Variants in TMEM106B observed in about 807,000 individuals in gnomAD.
TMEM106B encodes the protein transmembrane protein 106B.
A neutral mutation model predicts 31.1 loss-of-function variants in TMEM106B; 15 were observed. That is an observed-to-expected ratio of 0.48 (90% CI 0.32 to 0.74). The LOEUF (loss-of-function observed/expected upper bound fraction) is 0.74. TMEM106B is among the 30% of genes least tolerant of loss of function. The probability of loss-of-function intolerance (pLI) is 0.03; values close to 1 mark genes in which losing one functional copy is unlikely to be tolerated. For missense variants in TMEM106B, 283 were observed against 327.3 expected (o/e 0.86, Z 1.04); for synonymous variants, 126 against 112.5 (o/e 1.12, Z -0.76).
rs1548884 is a variant in TMEM106B, at chr7:12,240,135, A to C, written c.*8160A>C. The C allele has an allele frequency of 0.52, 78,429 of 151,956 alleles. 21,623 individuals are homozygous for C. Among genetic ancestry groups the C allele is most frequent in the African/African-American group, 0.7 (29,106 of 41,462 alleles). The allele number at this position is 151,956 out of a possible 1,614,324, so 9.4% of individuals were successfully genotyped here. Reference sequence around the variant, plus strand: ...CAATCTCAGTTCACAATCATTTCTTATTGCCCTTCAACAATGTCCTGACCA... The same window carrying C: ...CAATCTCAGTTCACAATCATTTCTTCTTGCCCTTCAACAATGTCCTGACCA... On this transcript the variant is annotated 3_prime_UTR_variant, in exon 8 of 8. Transcript: ENST00000396668.
Position 12,214,877 on chromosome 7 carries a change from T to C in TMEM106B, c.67T>C (p.Ser23Pro), listed in dbSNP as rs780222783. Residue 23 changes from serine (S) to proline (P), a missense_variant, in exon 2 of 8, where the codon TCT (serine) becomes CCT (proline). Transcript: ENST00000396668. Reference sequence around the variant, plus strand: ...AGAAGATGCTTATGATGGAGTCACATCTGAAAACATGAGGAATGGACTGGT... The same window carrying C: ...AGAAGATGCTTATGATGGAGTCACACCTGAAAACATGAGGAATGGACTGGT... ...SKEDAYDGVT[S>P]ENMRNGLVNS... 1 of 1,614,052 alleles carries C rather than the reference T, an allele frequency of 6.2e-7. No homozygotes were observed. The highest frequency in any genetic ancestry group is 1.7e-5 in the Admixed American group (1 of 60,024).
intron 2 of TMEM106B, among the ~76,000 whole-genome samples, chr7:12,216,491 G>C (rs528800986): frequency 6.6e-6 from 1 of 152,242 alleles, no homozygotes; most frequent in South Asian, 2.1e-4. Flanking sequence ...ATGTTCATTA[G>C]GCAGTTAGTT....
intron 4 of TMEM106B, among the ~76,000 whole-genome samples, chr7:12,227,922 A>C (rs988134740): frequency 6.6e-6 from 1 of 151,850 alleles, no homozygotes; most frequent in Non-Finnish European, 1.5e-5. Context: ...ATTCTAATGA[A>C]ACTGTGGACA....
At chr7:12,218,007 C>T (rs1000944974) in intron 2 of TMEM106B, among the ~76,000 whole-genome samples, 1 of 151,846 alleles carries the variant, frequency 6.6e-6, no homozygotes, top group Non-Finnish European at 1.5e-5. Flanking sequence ...CTTCAGAGGC[C>T]GGTTTTGGTT....
intron 1 of TMEM106B, 35 bp from the exon 2 acceptor site, chr7:12,214,774 C>T (rs1210510565): frequency 6.6e-7 from 1 of 1,518,194 alleles, no homozygotes; most frequent in South Asian, 1.2e-5. Context: ...ACTTTTTTCC[C>T]TGAAGTTTAC....
At chr7:12,225,792 C>T (rs1340149070) in intron 4 of TMEM106B, among the ~76,000 whole-genome samples, 2 of 152,066 alleles carry the variant, frequency 1.3e-5, no homozygotes, top group Non-Finnish European at 2.9e-5. Context: ...AAAATTTTCT[C>T]CCATTCTTTA....
chr7:12,212,443 C>T (rs1250849439), intron 1 of TMEM106B, among the ~76,000 whole-genome samples: 1 of 150,944 alleles, frequency 6.6e-6, no homozygotes, highest in Admixed American at 6.6e-5. Context: ...TTTTAGAAGT[C>T]ATAAATCATT....
At chr7:12,219,324 A>G (rs1781744515) in intron 3 of TMEM106B, among the ~76,000 whole-genome samples, 3 of 152,190 alleles carry the variant, frequency 2.0e-5, no homozygotes, top group Non-Finnish European at 4.4e-5. Context: ...TACTTTGTAT[A>G]TCAACAGAGG....
chr7:12,216,434 G>C (rs985429248), intron 2 of TMEM106B, among the ~76,000 whole-genome samples: 4 of 152,126 alleles, frequency 2.6e-5, no homozygotes, highest in Non-Finnish European at 5.9e-5. Context: ...AGGAGCTCAA[G>C]TTTAGACATG....
In TMEM106B at chr7:12,224,420, C is replaced by T. The variant is rs777886507; in HGVS notation, c.441+35C>T. On this transcript the variant is annotated intron_variant, in intron 4 of 7. Coordinates refer to ENST00000396668, the MANE Select transcript of TMEM106B (RefSeq NM_001134232.2). Reference sequence around the variant, plus strand: ...AATTTATATGAAAAATGTTTAACTTCATTCTTTTATCCTATTAAGCAGCAC... The same window carrying T: ...AATTTATATGAAAAATGTTTAACTTTATTCTTTTATCCTATTAAGCAGCAC... The T allele has an allele frequency of 1.5e-5, 24 of 1,556,640 alleles. No individual in the cohort carries two copies. In the South Asian group the frequency reaches 2.5e-4, roughly 16 times the overall value.
Position 12,232,121 on chromosome 7 carries a change from G to T in TMEM106B, c.*146G>T. The T allele has an allele frequency of 1.6e-6, 1 of 629,290 alleles. No individual in the cohort carries two copies. The highest frequency in any genetic ancestry group is 2.9e-5 in the East Asian group (1 of 34,952). 39.0% of individuals were successfully genotyped at this position (629,290 alleles called of 1,614,324 possible). On this transcript the variant is annotated 3_prime_UTR_variant, in exon 8 of 8. Coordinates refer to ENST00000396668, the MANE Select transcript of TMEM106B (RefSeq NM_001134232.2). ...AGTACAGTTAAAAGTATGTGGACCT[G>T]CAGTTCTTGTAACTCTCCACTCTGT...
rs1782117652 is a variant in TMEM106B at position 12,235,663 on chromosome 7, CA to C, written c.*3689del. 6.6e-6 allele frequency: 1 copy of C among 151,820 alleles called. No individual in the cohort carries two copies. The highest frequency in any genetic ancestry group is 1.9e-4 in the East Asian group (1 of 5,188). The allele number at this position is 151,820 out of a possible 1,614,324, so 9.4% of individuals were successfully genotyped here. ...GGAGGGCATGTGCCCAACTCTCCCGCACCCCATTTTGTTTGTCTTTTAAAGT... is the reference window on the plus strand; with the variant it reads ...GGAGGGCATGTGCCCAACTCTCCCGCCCCCATTTTGTTTGTCTTTTAAAGT... On this transcript the variant is annotated 3_prime_UTR_variant, in exon 8 of 8. Transcript: ENST00000396668.
chr7:12,218,035 C>G (rs1781721699), intron 2 of TMEM106B, among the ~76,000 whole-genome samples: 1 of 151,976 alleles, frequency 6.6e-6, no homozygotes. Context: ...GGGACAATGT[C>G]AGAAGCTCTG....
chr7:12,212,066 A>C (rs902125208), intron 1 of TMEM106B, among the ~76,000 whole-genome samples: 1 of 152,244 alleles, frequency 6.6e-6, no homozygotes, highest in Non-Finnish European at 1.5e-5. Context: ...AGGAAAATCT[A>C]GTAGAGAAGG....
At chr7:12,225,509 T>C (rs1215605340) in intron 4 of TMEM106B, among the ~76,000 whole-genome samples, 1 of 152,244 alleles carries the variant, frequency 6.6e-6, no homozygotes, top group African/African-American at 2.4e-5. Flanking sequence ...TTCCTATTTC[T>C]CCACATCCTC....
At position 12,238,491 on chromosome 7, in the gene TMEM106B, A is replaced by G. The variant is rs112088045; in HGVS notation, c.*6516A>G. 6.7e-3 allele frequency: 1,023 copies of G among 152,376 alleles called. 10 individuals carry two copies. The highest frequency in any genetic ancestry group is 0.012 in the Non-Finnish European group (815 of 68,096). The allele number at this position is 152,376 out of a possible 1,614,324, so 9.4% of individuals were successfully genotyped here. ...TTCCCCTGAATCACAAATGTTGTTA[A>G]TGGCATCTAGAATGGCAAATCCTTT... On this transcript the variant is annotated 3_prime_UTR_variant, in exon 8 of 8. Transcript: ENST00000396668.
chr7:12,229,653 A>T, intron 4 of TMEM106B, 26 bp from the exon 5 acceptor site: 1 of 1,518,254 alleles, frequency 6.6e-7, no homozygotes, highest in Non-Finnish European at 8.8e-7. Flanking sequence ...GCTAACTTGT[A>T]AATTTTCTGT....
chr7:12,221,933 C>A (rs1171472451), intron 3 of TMEM106B, among the ~76,000 whole-genome samples: 1 of 152,180 alleles, frequency 6.6e-6, no homozygotes, highest in Non-Finnish European at 1.5e-5. Context: ...CCTCAGAGCT[C>A]ACACAAGGCC....
At chr7:12,231,459 T>C (rs1352425476) in intron 7 of TMEM106B, 1 of 251,534 alleles carries the variant, frequency 4.0e-6, no homozygotes, top group African/African-American at 2.2e-5. Context: ...TTGGGTGTTA[T>C]CTAAGCCAAT....
Sources: allele counts gnomAD v4.1 joint callset (sites outside exome capture counted in the v4.1 genomes callset), GRCh38; gene constraint gnomAD v4.1.1; transcripts MANE v1.5; gene names NCBI Gene and HGNC (gene_info 2026-07-23, HGNC 2026-07-21).